HHIP: variants seen among roughly 807,000 people sequenced by gnomAD.
HHIP encodes hedgehog interacting protein.
HHIP carries 12 observed loss-of-function variants against 74.0 expected under a neutral mutation model. The observed-to-expected ratio is 0.16, with a 90% CI of 0.10 to 0.26. The LOEUF is 0.26. HHIP is among the 10% of genes least tolerant of loss of function. HHIP has a pLI of 1.00. For synonymous variants in HHIP, 309 were observed against 311.6 expected (o/e 0.99, Z 0.09); for missense variants, 788 against 845.0 (o/e 0.93, Z 0.84).
intron 4 of HHIP, among the ~76,000 whole-genome samples, chr4:144,679,332 G>C (rs931348988): frequency 1.3e-5 from 2 of 152,098 alleles, no homozygotes; most frequent in Admixed American, 6.6e-5. Flanking sequence ...TAGGTTGCCT[G>C]TTCTCTCTGA....
intron 11 of HHIP, among the ~76,000 whole-genome samples, chr4:144,728,847 A>C (rs1438552163): frequency 6.6e-6 from 1 of 152,104 alleles, no homozygotes; most frequent in Admixed American, 6.6e-5. Flanking sequence ...TAAATATATG[A>C]TTCCTCGGCG....
intron 4 of HHIP, among the ~76,000 whole-genome samples, chr4:144,663,178 A>G (rs984384638): frequency 2.6e-5 from 4 of 152,120 alleles, no homozygotes; most frequent in African/African-American, 9.7e-5. Context: ...AGTCCCAGCT[A>G]CTCAGAAGGC....
chr4:144,714,055 A>C (rs1453197414), intron 8 of HHIP, among the ~76,000 whole-genome samples, 170 bp from the exon 9 acceptor site: 1 of 152,188 alleles, frequency 6.6e-6, no homozygotes, highest in African/African-American at 2.4e-5. Flanking sequence ...TTTAATGTTG[A>C]TACTATTTAG....
intron 4 of HHIP, among the ~76,000 whole-genome samples, chr4:144,691,912 C>T (rs772323788): frequency 3.3e-5 from 5 of 151,938 alleles, no homozygotes; most frequent in Admixed American, 6.6e-5. Context: ...AAAAATTTTC[C>T]TATTAAAATG....
intron 4 of HHIP, among the ~76,000 whole-genome samples, chr4:144,667,821 T>G (rs559276575): frequency 4.4e-4 from 67 of 152,238 alleles, no homozygotes; most frequent in African/African-American, 1.4e-3. Context: ...GTTAATAAAT[T>G]GTAGGATTTG....
At chr4:144,663,616 T>C (rs891813749) in intron 4 of HHIP, among the ~76,000 whole-genome samples, 1 of 152,164 alleles carries the variant, frequency 6.6e-6, no homozygotes, top group Non-Finnish European at 1.5e-5. Flanking sequence ...AGGAATTGGG[T>C]TAATTCTGGC....
chr4:144,694,431 C>T (rs1481557109), intron 4 of HHIP, among the ~76,000 whole-genome samples: 1 of 151,184 alleles, frequency 6.6e-6, no homozygotes, highest in Non-Finnish European at 1.5e-5. Context: ...TTTAGAGTAA[C>T]AATAGAAATA....
chr4:144,733,518 G>T (rs1283858595), intron 11 of HHIP, among the ~76,000 whole-genome samples: 4 of 152,100 alleles, frequency 2.6e-5, no homozygotes, highest in Non-Finnish European at 4.4e-5. Context: ...GACATAACAA[G>T]GTAACCTATC....
At chr4:144,700,284 C>G (rs2126645447) in intron 4 of HHIP, among the ~76,000 whole-genome samples, 1 of 152,302 alleles carries the variant, frequency 6.6e-6, no homozygotes, top group Middle Eastern at 3.4e-3. Context: ...ATGAACTTCA[C>G]TGGTCTCCTC....
chr4:144,683,624 G>A (rs370928282), intron 4 of HHIP, among the ~76,000 whole-genome samples: 8 of 152,284 alleles, frequency 5.3e-5, no homozygotes, highest in South Asian at 4.1e-4. Context: ...ATACTATATG[G>A]TAATGACTTA....
At chr4:144,692,980 T>A (rs1408530374) in intron 4 of HHIP, among the ~76,000 whole-genome samples, 3 of 152,058 alleles carry the variant, frequency 2.0e-5, no homozygotes, top group Admixed American at 1.3e-4. Context: ...ATCTGACACA[T>A]GAGGACATGG....
chr4:144,703,670 G>T (rs538403280), intron 4 of HHIP, among the ~76,000 whole-genome samples: 3 of 152,154 alleles, frequency 2.0e-5, no homozygotes, highest in Admixed American at 6.5e-5. Flanking sequence ...GGGACAAAGG[G>T]GACTAAGATA....
chr4:144,693,841 ATATAT>A (rs1349459512), intron 4 of HHIP, among the ~76,000 whole-genome samples: 2 of 152,046 alleles, frequency 1.3e-5, no homozygotes, highest in Non-Finnish European at 2.9e-5. Context: ...GGTCAGAAAT[ATATAT>A]TATTAGTTTT....
At position 144,715,433 on chromosome 4, in the gene HHIP, A is replaced by G; in HGVS notation, c.1678+3A>G. On this transcript the variant is annotated splice_donor_region_variant and intron_variant, in intron 10 of 12. Transcript: ENST00000296575. ...GGGATTTGGAGAAGATGAACTAGGT[A>G]CTGTACAATCTAGTTCTGTTAAGTT... is the stretch of plus-strand genomic sequence containing the variant. The G allele has an allele frequency of 6.2e-7, 1 of 1,612,480 alleles. No individual in the cohort carries two copies. The highest frequency in any genetic ancestry group is 8.5e-7 in the Non-Finnish European group (1 of 1,178,800).
At chr4:144,716,586 G>A (rs995182790) in intron 10 of HHIP, among the ~76,000 whole-genome samples, 2 of 152,042 alleles carry the variant, frequency 1.3e-5, no homozygotes, top group South Asian at 2.1e-4. Context: ...GGTGGCTCAC[G>A]CCTGTAATCC....
intron 10 of HHIP, among the ~76,000 whole-genome samples, chr4:144,716,227 CAGAAT>C: frequency 6.6e-6 from 1 of 152,130 alleles, no homozygotes; most frequent in African/African-American, 2.4e-5. Context: ...CCATGTTAAT[CAGAAT>C]ATTTTCTCTA....
intron 2 of HHIP, among the ~76,000 whole-genome samples, chr4:144,657,091 T>C (rs990963327): frequency 1.3e-5 from 2 of 152,124 alleles, no homozygotes; most frequent in Non-Finnish European, 2.9e-5. Context: ...TCCAATAGCC[T>C]AGTCAGAAAT....
chr4:144,690,877 T>G (rs1024092911), intron 4 of HHIP, among the ~76,000 whole-genome samples: 1 of 152,168 alleles, frequency 6.6e-6, no homozygotes, highest in Non-Finnish European at 1.5e-5. Context: ...CTGTCCTTCA[T>G]GCTGTCCATG....
chr4:144,727,896 G>C (rs1730845788), intron 11 of HHIP, among the ~76,000 whole-genome samples: 1 of 152,158 alleles, frequency 6.6e-6, no homozygotes, highest in African/African-American at 2.4e-5. Context: ...TCAGTGGAAA[G>C]AACACTGAAC....
Sources: allele counts gnomAD v4.1 joint callset (sites outside exome capture counted in the v4.1 genomes callset), GRCh38; gene constraint gnomAD v4.1.1; transcripts MANE v1.5; gene names NCBI Gene and HGNC (gene_info 2026-07-23, HGNC 2026-07-21).